Variants in DMBT1 observed in about 807,000 individuals in gnomAD.
DMBT1 encodes the protein scavenger receptor cysteine-rich domain-containing protein DMBT1.
DMBT1 carries 198 observed loss-of-function variants against 252.9 expected under a neutral mutation model. That is an observed-to-expected ratio of 0.78 (90% CI 0.70 to 0.88). DMBT1 has a LOEUF of 0.88. DMBT1 is among the 40% of genes least tolerant of loss of function. DMBT1 has a pLI of 0.00. For missense variants in DMBT1, 2,432 were observed against 2,404.7 expected, an observed-to-expected ratio of 1.01 and a Z score of -0.24; for synonymous variants, 990 against 942.7, an observed-to-expected ratio of 1.05 and a Z score of -0.92.
rs908446097 is a variant in DMBT1 at position 122,586,975 on chromosome 10, C to G, written c.1783+592C>G. On this transcript the variant is annotated intron_variant, in intron 16 of 55. Transcript: ENST00000338354. ...CCCAGACAGTTTTCAACCACCAGCT[C>G]TTTCTAGGAACTAAGAGAAGAACTT... Among the ~76,000 whole-genome samples the G allele has an allele frequency of 1.4e-5, 2 of 147,664 alleles. 1 individual carries two copies. Among genetic ancestry groups the G allele is most frequent in the Non-Finnish European group, 3.0e-5 (2 of 66,222 alleles).
At chr10:122,618,807 T>A (rs1394389051) in intron 41 of DMBT1, among the ~76,000 whole-genome samples, 1 of 152,114 alleles carries the variant, frequency 6.6e-6, no homozygotes, top group Non-Finnish European at 1.5e-5. Context: ...GGGTTAGGAG[T>A]GCAAATGCAT....
intron 50 of DMBT1, among the ~76,000 whole-genome samples, chr10:122,632,171 G>A (rs2098170416): frequency 6.6e-6 from 1 of 152,038 alleles, no homozygotes; most frequent in African/African-American, 2.4e-5. Context: ...GCCAAATGGG[G>A]CCCACTGCAT....
At chr10:122,618,806 G>T (rs2133631276) in intron 41 of DMBT1, among the ~76,000 whole-genome samples, 1 of 152,362 alleles carries the variant, frequency 6.6e-6, no homozygotes, top group Non-Finnish European at 1.5e-5. Flanking sequence ...AGGGTTAGGA[G>T]TGCAAATGCA....
chr10:122,576,360 A>C lies in DMBT1; in HGVS notation c.284-39A>C, dbSNP rs944756660. The C allele has an allele frequency of 5.0e-6, 8 of 1,605,512 alleles. No individual in the cohort carries two copies. In the South Asian group the frequency reaches 6.7e-5, roughly 13 times the overall value. ...TGCAGGCCCTGAGACCTTGTGCCTCAGTAGGAATGTGCAAGAGAAATTCTG... is the reference window on the plus strand; with the variant it reads ...TGCAGGCCCTGAGACCTTGTGCCTCCGTAGGAATGTGCAAGAGAAATTCTG... On this transcript the variant is annotated intron_variant, in intron 6 of 55. Transcript: ENST00000338354.
intron 41 of DMBT1, 117 bp downstream of exon 41, chr10:122,618,457 A>C: frequency 6.5e-7 from 1 of 1,539,122 alleles, no homozygotes; most frequent in South Asian, 1.3e-5. Context: ...TATATTTCTG[A>C]AGTCTTGTTA....
intron 2 of DMBT1, among the ~76,000 whole-genome samples, chr10:122,569,112 C>A (rs2097635082): frequency 6.9e-6 from 1 of 144,164 alleles, no homozygotes. Flanking sequence ...CCTTCTAAAG[C>A]TGGATATAGT....
chr10:122,569,944 T>C (rs2981788), intron 2 of DMBT1, among the ~76,000 whole-genome samples: 14 of 151,504 alleles, frequency 9.2e-5, no homozygotes, highest in African/African-American at 2.7e-4. Flanking sequence ...AGAGGAGGTG[T>C]GGGGAGGGTA....
At chr10:122,564,790 A>G (rs1347477833) in intron 1 of DMBT1, among the ~76,000 whole-genome samples, 1 of 152,208 alleles carries the variant, frequency 6.6e-6, no homozygotes, top group Non-Finnish European at 1.5e-5. Context: ...TTCATCTAGG[A>G]TATCATCATC....
At chr10:122,566,145 C>CCGAGACGTGG (rs2097588932) in intron 2 of DMBT1, 149 bp downstream of exon 2, 8 of 776,982 alleles carry the variant, frequency 1.0e-5, no homozygotes, top group Middle Eastern at 3.5e-4. Flanking sequence ...AGGAGACGTG[C>CCGAGACGTGG]GTGCCAAGAC....
intron 40 of DMBT1, 21 bp from the exon 41 acceptor site, chr10:122,617,996 G>T: frequency 6.2e-7 from 1 of 1,603,610 alleles, no homozygotes; most frequent in Non-Finnish European, 8.5e-7. Flanking sequence ...ATGGATGAAG[G>T]GTTCTTGTGT....
chr10:122,618,902 G>T (rs114781580), intron 41 of DMBT1, among the ~76,000 whole-genome samples: 116 of 152,372 alleles, frequency 7.6e-4, no homozygotes, highest in African/African-American at 2.8e-3. Flanking sequence ...CCCAGGTCTG[G>T]TGTGGGGAGG....
At position 122,631,082 on chromosome 10, in the gene DMBT1, T is replaced by C. The variant is rs779848900; in HGVS notation, c.6147T>C (p.Ala2049=). The stretch of plus-strand genomic sequence containing the variant: ...ATGACTCCTGGACCATTCAGGAAGC[T>C]GAGGTGGTCTGCAGACAGCTAGGGT... The part of the protein sequence containing the change: ...VCDDSWTIQE[A]EVVCRQLGCG... Residue 2049 remains alanine, a synonymous_variant, in exon 49 of 56, where the codon GCT becomes GCC. Transcript: ENST00000338354. 1.2e-6 allele frequency: 2 copies of C among 1,613,978 alleles called. No homozygotes were observed. The highest frequency in any genetic ancestry group is 2.7e-5 in the African/African-American group (2 of 75,044).
intron 26 of DMBT1, among the ~76,000 whole-genome samples, chr10:122,599,689 G>A (rs576994634): frequency 2.2e-4 from 34 of 152,324 alleles, no homozygotes; most frequent in African/African-American, 6.3e-4. Context: ...CCATGAGGCC[G>A]GCCAGGCATG....
intron 2 of DMBT1, among the ~76,000 whole-genome samples, chr10:122,566,302 C>T (rs1395619627): frequency 6.6e-6 from 1 of 150,812 alleles, no homozygotes; most frequent in Non-Finnish European, 1.5e-5. Context: ...AGTACCTTTT[C>T]TTTTTTTTTC....
At chr10:122,562,279 T>A (rs1388322082) in intron 1 of DMBT1, among the ~76,000 whole-genome samples, 4 of 152,162 alleles carry the variant, frequency 2.6e-5, no homozygotes, top group Non-Finnish European at 5.9e-5. Context: ...AATTTTCAGG[T>A]AACTTCTGGA....
chr10:122,562,449 G>T (rs1470554875), intron 1 of DMBT1, among the ~76,000 whole-genome samples: 10 of 152,270 alleles, frequency 6.6e-5, no homozygotes, highest in South Asian at 2.1e-4. Context: ...GGGACTGGGG[G>T]CCACCAGGCC....
chr10:122,642,175 G>GA lies in DMBT1; in HGVS notation c.7353-937dup, dbSNP rs59805964. 4.1e-3 allele frequency among the ~76,000 whole-genome samples: 595 copies of GA among 143,404 alleles called. 9 individuals carry two copies. The highest frequency in any genetic ancestry group is 7.6e-3 in the East Asian group (38 of 5,020). The allele number at this position is 143,404 out of a possible 152,430, so 94.1% of individuals were successfully genotyped here. On this transcript the variant is annotated intron_variant, in intron 55 of 55. Transcript: ENST00000338354. ...CCTTTGCCACTAAGGGAGCTACTGT[G>GA]AAAAAAAAAACAAAAACAAAAAAGA...
intron 46 of DMBT1, among the ~76,000 whole-genome samples, chr10:122,627,274 T>C (rs921640839): frequency 1.3e-5 from 2 of 152,150 alleles, no homozygotes; most frequent in Non-Finnish European, 2.9e-5. Flanking sequence ...AGTGAATGAA[T>C]GAATGGATAA....
chr10:122,617,418 T>C (rs574643855), intron 40 of DMBT1, among the ~76,000 whole-genome samples, 158 bp downstream of exon 40: 52 of 151,142 alleles, frequency 3.4e-4, no homozygotes, highest in Middle Eastern at 6.9e-3. Context: ...AGCCCTGGGT[T>C]TGATGTTTGA....
Sources: allele counts gnomAD v4.1 joint callset (sites outside exome capture counted in the v4.1 genomes callset), GRCh38; gene constraint gnomAD v4.1.1; transcripts MANE v1.5; gene names NCBI Gene and HGNC (gene_info 2026-07-23, HGNC 2026-07-21).